The following CYFIP2 variants were observed in gnomAD, a reference collection of about 807,000 sequenced individuals.
The protein encoded by CYFIP2 is cytoplasmic FMR1-interacting protein 2.
A neutral mutation model predicts 158.7 loss-of-function variants in CYFIP2; 29 were observed. That is an observed-to-expected ratio of 0.18 (90% CI 0.14 to 0.25). The LOEUF is 0.25. CYFIP2 is among the 10% of genes least tolerant of loss of function. The probability of loss-of-function intolerance (pLI) is 1.00; values close to 1 mark genes in which losing one functional copy is unlikely to be tolerated. For synonymous variants in CYFIP2, 585 were observed against 617.6 expected, an observed-to-expected ratio of 0.95 and a Z score of 0.78; for missense variants, 852 against 1,639.5, an observed-to-expected ratio of 0.52 and a Z score of 8.29.
Position 157,379,784 on chromosome 5 carries a change from C to T in CYFIP2, c.3040-2806C>T, listed in dbSNP as rs79371752. On this transcript the variant is annotated intron_variant, in intron 26 of 30. Coordinates refer to ENST00000620254, the MANE Select transcript of CYFIP2 (RefSeq NM_001037333.3). ...AATTCTACATGGTCTCCTCTGTAAC[C>T]GCCCAGCAGGTTCGCCTTGCCCACT... 4.1e-3 allele frequency among the ~76,000 whole-genome samples: 625 copies of T among 151,854 alleles called. 20 individuals are homozygous for T. The East Asian group carries it at 0.071, about 17-fold the overall frequency.
intron 30 of CYFIP2, among the ~76,000 whole-genome samples, chr5:157,391,898 C>G (rs1444791876): frequency 6.6e-6 from 1 of 152,176 alleles, no homozygotes; most frequent in Admixed American, 6.5e-5. Context: ...ACCAGCAGTA[C>G]ACAAGAGTTC....
intron 26 of CYFIP2, chr5:157,364,936 G>C (rs1455163982): frequency 6.6e-6 from 1 of 152,080 alleles, no homozygotes; most frequent in Non-Finnish European, 1.5e-5. Context: ...AAAAGAATAA[G>C]CTGATAAAGT....
intron 1 of CYFIP2, among the ~76,000 whole-genome samples, chr5:157,284,080 C>T (rs1757193991): frequency 6.6e-6 from 1 of 152,082 alleles, no homozygotes; most frequent in Non-Finnish European, 1.5e-5. Flanking sequence ...TGAAACTCAG[C>T]TTTTAGTGTT....
chr5:157,374,377 T>A (rs1765269899), intron 26 of CYFIP2, among the ~76,000 whole-genome samples: 1 of 152,214 alleles, frequency 6.6e-6, no homozygotes, highest in Admixed American at 6.5e-5. Flanking sequence ...CAATCTCTGA[T>A]TCTGCAGTGT....
intron 5 of CYFIP2, among the ~76,000 whole-genome samples, chr5:157,299,372 A>G (rs779863581): frequency 5.3e-5 from 8 of 152,062 alleles, no homozygotes; most frequent in Non-Finnish European, 1.2e-4. Flanking sequence ...CATCCCTGGA[A>G]CACACCTCAG....
At chr5:157,343,358 G>T (rs1286746476) in intron 23 of CYFIP2, 9 of 1,614,052 alleles carry the variant, frequency 5.6e-6, no homozygotes, top group Non-Finnish European at 7.6e-6. Context: ...CAGCACCACG[G>T]AGCTGATCGT....
Position 157,367,150 on chromosome 5 carries a change from G to T in CYFIP2, c.3039+5552G>T, listed in dbSNP as rs117946193. On this transcript the variant is annotated intron_variant, in intron 26 of 30. Transcript: ENST00000620254. ...AGTCTAGACCCAAACTCACAGATCCGAATGCCAGTCAGATCTGGAAAGGCC... is the reference window on the plus strand; with the variant it reads ...AGTCTAGACCCAAACTCACAGATCCTAATGCCAGTCAGATCTGGAAAGGCC... Among the ~76,000 whole-genome samples, 16 of 152,284 alleles carry T rather than the reference G, an allele frequency of 1.1e-4. 2 individuals carry two copies. In the East Asian group the frequency reaches 3.1e-3, roughly 29 times the overall value.
Position 157,333,398 on chromosome 5 carries a change from G to T in CYFIP2, c.2337G>T (p.Leu779Phe), listed in dbSNP as rs1418922914. 6.2e-7 allele frequency: 1 copy of T among 1,613,806 alleles called. No individual in the cohort carries two copies. The highest frequency in any genetic ancestry group is 1.3e-5 in the African/African-American group (1 of 74,896). Residue 779 changes from leucine to phenylalanine, a missense_variant, in exon 21 of 31, where the codon TTG (leucine) becomes TTT (phenylalanine). Coordinates refer to ENST00000620254, the MANE Select transcript of CYFIP2 (RefSeq NM_001037333.3). ...QRISAAMYKSLDQAISRFESE... is the reference protein window; with the variant it reads ...QRISAAMYKSFDQAISRFESE... ...TCTCTGCCGCCATGTATAAATCCTT[G>T]GACCAAGCTATCAGCCGCTTTGAGA...
chr5:157,277,832 A>G (rs772947234), intron 1 of CYFIP2, among the ~76,000 whole-genome samples: 4 of 152,214 alleles, frequency 2.6e-5, no homozygotes, highest in Non-Finnish European at 5.9e-5. Context: ...CCAAGAAAAC[A>G]TCATAGAGTG....
At chr5:157,310,993 T>G (rs747840817) in intron 10 of CYFIP2, 28 of 455,864 alleles carry the variant, frequency 6.1e-5, no homozygotes, top group African/African-American at 5.4e-4. Context: ...ATTTCCTCTC[T>G]GACTTAGGAT....
intron 23 of CYFIP2, among the ~76,000 whole-genome samples, chr5:157,348,618 G>T (rs2113295674): frequency 6.6e-6 from 1 of 152,240 alleles, no homozygotes; most frequent in South Asian, 2.1e-4. Context: ...CACCATGTTG[G>T]CCAGGCTGGT....
chr5:157,365,213 TTATTGACC>T (rs1184550461), intron 26 of CYFIP2: 1 of 152,254 alleles, frequency 6.6e-6, no homozygotes, highest in African/African-American at 2.4e-5. Flanking sequence ...TCATGTATTA[TTATTGACC>T]TATAATTTTA....
chr5:157,383,148 A>C (rs1251039969), intron 27 of CYFIP2, 117 bp from the exon 28 acceptor site: 2 of 838,888 alleles, frequency 2.4e-6, no homozygotes, highest in Non-Finnish European at 3.9e-6. Flanking sequence ...GCAGTTCCAC[A>C]CACTCCATCC....
intron 19 of CYFIP2, among the ~76,000 whole-genome samples, 165 bp from the exon 20 acceptor site, chr5:157,330,577 A>G (rs1761379422): frequency 6.6e-6 from 1 of 152,204 alleles, no homozygotes; most frequent in Admixed American, 6.5e-5. Flanking sequence ...TCTGTGACTG[A>G]AAAGAAATTT....
intron 26 of CYFIP2, among the ~76,000 whole-genome samples, chr5:157,366,222 G>A (rs1764359060): frequency 6.6e-6 from 1 of 152,086 alleles, no homozygotes; most frequent in Admixed American, 6.5e-5. Context: ...CATGCTACTA[G>A]CCATTTGGAC....
At chr5:157,284,083 T>G (rs943685584) in intron 1 of CYFIP2, among the ~76,000 whole-genome samples, 5 of 152,150 alleles carry the variant, frequency 3.3e-5, no homozygotes, top group African/African-American at 1.2e-4. Context: ...AACTCAGCTT[T>G]TAGTGTTTTT....
intron 16 of CYFIP2, 56 bp downstream of exon 16, chr5:157,324,130 AGCCGCTAAGACCACCAAGCCAGG>A (rs1760822314): frequency 9.1e-6 from 14 of 1,542,956 alleles, no homozygotes. Flanking sequence ...GGGCTCTCAG[AGCCGCTAAGACCACCAAGCCAGG>A]CATTGCAAAG....
At chr5:157,326,426 G>A (rs1230853921) in intron 18 of CYFIP2, among the ~76,000 whole-genome samples, 159 bp downstream of exon 18, 1 of 152,210 alleles carries the variant, frequency 6.6e-6, no homozygotes, top group Non-Finnish European at 1.5e-5. Context: ...ACCTCTGAGG[G>A]CAGAAGTACA....
intron 7 of CYFIP2, 166 bp downstream of exon 7, chr5:157,303,056 C>T (rs1758911225): frequency 1.7e-6 from 1 of 589,182 alleles, no homozygotes. Flanking sequence ...AGTCTGTCCT[C>T]CCAACCCCAG....
Sources: gnomAD v4.1 joint callset for allele counts (sites outside exome capture counted in the v4.1 genomes callset) on GRCh38, gnomAD v4.1.1 for gene constraint, MANE v1.5 for transcripts, NCBI Gene and HGNC (gene_info 2026-07-23, HGNC 2026-07-21) for gene names.